The following JAM3 variants were observed in gnomAD, a reference collection of about 807,000 sequenced individuals.
The protein encoded by JAM3 is junctional adhesion molecule 3, also known as junctional adhesion molecule C.
Under a neutral mutation model 39.4 loss-of-function variants are expected in JAM3, and 31 were observed. The ratio of observed to expected loss-of-function variants is 0.79; its 90% CI spans 0.59 to 1.06. The LOEUF (loss-of-function observed/expected upper bound fraction) is 1.06. Ranked by LOEUF, JAM3 falls within the 50% of genes least tolerant of loss-of-function variation. The pLI is 0.00. For missense variants in JAM3, 455 were observed against 391.4 expected (o/e 1.16, Z -1.37); for synonymous variants, 182 against 148.7 (o/e 1.22, Z -1.63).
intron 1 of JAM3, among the ~76,000 whole-genome samples, chr11:134,080,543 G>A (rs1385113550): frequency 6.6e-6 from 1 of 152,112 alleles, no homozygotes; most frequent in Admixed American, 6.6e-5. Flanking sequence ...GTTTAAAAAG[G>A]GGAGTTTTCC....
intron 1 of JAM3, among the ~76,000 whole-genome samples, chr11:134,128,093 AAAAG>A (rs1392330070): frequency 4.6e-5 from 7 of 152,216 alleles, no homozygotes; most frequent in African/African-American, 1.7e-4. Context: ...AAAGAAAGAA[AAAAG>A]AAAGGTTTTC....
intron 1 of JAM3, among the ~76,000 whole-genome samples, chr11:134,117,151 C>T (rs1281270965): frequency 6.6e-6 from 1 of 151,956 alleles, no homozygotes; most frequent in Non-Finnish European, 1.5e-5. Flanking sequence ...CATCTGAGGT[C>T]AGGAGTTTGA....
chr11:134,136,173 C>G (rs1367641020), intron 1 of JAM3, among the ~76,000 whole-genome samples: 1 of 152,180 alleles, frequency 6.6e-6, no homozygotes, highest in African/African-American at 2.4e-5. Flanking sequence ...CAGCATTTGA[C>G]AAATTAGCAG....
At chr11:134,070,120 G>A (rs1206797614) in intron 1 of JAM3, 4 of 455,822 alleles carry the variant, frequency 8.8e-6, no homozygotes, top group South Asian at 4.6e-5. Flanking sequence ...CCATTATCTC[G>A]TTTACTCCTT....
chr11:134,149,066 C>G, intron 8 of JAM3, 80 bp from the exon 9 acceptor site: 2 of 1,507,312 alleles, frequency 1.3e-6, no homozygotes, highest in South Asian at 1.1e-5. Context: ...CTGTATTTAG[C>G]CCATGTTAGA....
intron 1 of JAM3, among the ~76,000 whole-genome samples, chr11:134,098,402 C>T (rs1311190065): frequency 6.6e-6 from 1 of 151,996 alleles, no homozygotes; most frequent in East Asian, 1.9e-4. Context: ...CCAAATGTAC[C>T]TCATTAGAAA....
chr11:134,078,463 C>G (rs2120583163), intron 1 of JAM3, among the ~76,000 whole-genome samples: 1 of 152,320 alleles, frequency 6.6e-6, no homozygotes, highest in East Asian at 1.9e-4. Flanking sequence ...TTTAACACTC[C>G]TACCCATCTT....
At position 134,144,953 on chromosome 11, in the gene JAM3, C is replaced by T. The variant is rs549604639; in HGVS notation, c.571C>T (p.Arg191Cys). 57 of 1,614,044 alleles carry T rather than the reference C, an allele frequency of 3.5e-5. No individual in the cohort carries two copies. The highest frequency in any genetic ancestry group is 4.0e-5 in the African/African-American group (3 of 74,910). The change falls in exon 5 of 9, where the codon CGC becomes TGC. Residue 191 changes from arginine (R) to cysteine (C), a missense_variant. Transcript: ENST00000299106. ...GGATTCCAGAGCCAATCCCAGATTT[C>T]GCAATTCTTCTTTCCACTTAAACTC... is the stretch of plus-strand genomic sequence containing the variant. Reference protein sequence around the residue: ...PTDSRANPRFRNSSFHLNSET... With the variant: ...PTDSRANPRFCNSSFHLNSET...
intron 1 of JAM3, among the ~76,000 whole-genome samples, chr11:134,082,583 C>A (rs750177808): frequency 6.6e-6 from 1 of 152,140 alleles, no homozygotes; most frequent in African/African-American, 2.4e-5. Context: ...TTTCCCTATA[C>A]AAGCTCTTCT....
At chr11:134,076,748 G>A (rs533481093) in intron 1 of JAM3, among the ~76,000 whole-genome samples, 1 of 151,072 alleles carries the variant, frequency 6.6e-6, no homozygotes, top group African/African-American at 2.4e-5. Context: ...TCACTATATT[G>A]CCCACACTGA....
rs548879667 is a variant in JAM3 at position 134,111,122 on chromosome 11, C to A, written c.77-28729C>A. Reference sequence around the variant, plus strand: ...CACTACATGCCTGTACCATACCCAACACACATCCATCTTTTTTTTTTTTTT... The same window carrying A: ...CACTACATGCCTGTACCATACCCAAAACACATCCATCTTTTTTTTTTTTTT... On this transcript the variant is annotated intron_variant, in intron 1 of 8. Coordinates refer to ENST00000299106, the MANE Select transcript of JAM3 (RefSeq NM_032801.5). Among the ~76,000 whole-genome samples, 14 of 146,156 alleles carry A rather than the reference C, an allele frequency of 9.6e-5. No individual in the cohort carries two copies. In the South Asian group the frequency reaches 2.2e-3, roughly 23 times the overall value.
chr11:134,104,337 C>T (rs1439504096), intron 1 of JAM3, among the ~76,000 whole-genome samples: 1 of 152,174 alleles, frequency 6.6e-6, no homozygotes, highest in East Asian at 1.9e-4. Flanking sequence ...ATACCAGAAT[C>T]TCTGGGACAC....
chr11:134,094,089 C>A (rs1444585329), intron 1 of JAM3, among the ~76,000 whole-genome samples: 8 of 75,918 alleles, frequency 1.1e-4, no homozygotes, highest in East Asian at 7.8e-4. Flanking sequence ...CCACCTTAAA[C>A]GTCACTTCCT....
intron 1 of JAM3, among the ~76,000 whole-genome samples, chr11:134,118,065 C>T (rs1942470305): frequency 6.6e-6 from 1 of 152,192 alleles, no homozygotes; most frequent in African/African-American, 2.4e-5. Flanking sequence ...TGGGCTCACA[C>T]AGAAAGTAGC....
chr11:134,074,455 C>G (rs1045376722), intron 1 of JAM3, among the ~76,000 whole-genome samples: 2 of 152,184 alleles, frequency 1.3e-5, no homozygotes, highest in African/African-American at 4.8e-5. Context: ...TTTCTAGCTT[C>G]TTAATATCAG....
At chr11:134,097,487 G>A (rs577019000) in intron 1 of JAM3, among the ~76,000 whole-genome samples, 11 of 152,300 alleles carry the variant, frequency 7.2e-5, no homozygotes, top group South Asian at 2.1e-4. Context: ...TGGAGCATTA[G>A]TGATGCAACT....
intron 3 of JAM3, among the ~76,000 whole-genome samples, chr11:134,142,907 C>G (rs764070220): frequency 6.6e-6 from 1 of 152,190 alleles, no homozygotes; most frequent in Non-Finnish European, 1.5e-5. Flanking sequence ...CAAGGTTCAT[C>G]TGTGTTGTAG....
intron 1 of JAM3, among the ~76,000 whole-genome samples, chr11:134,115,502 A>T (rs953880814): frequency 6.6e-6 from 1 of 152,066 alleles, no homozygotes; most frequent in African/African-American, 2.4e-5. Context: ...ATTAGCTATA[A>T]CTTATGACCT....
intron 1 of JAM3, among the ~76,000 whole-genome samples, chr11:134,077,105 G>A (rs886664996): frequency 4.0e-5 from 6 of 151,898 alleles, no homozygotes; most frequent in Non-Finnish European, 8.8e-5. Flanking sequence ...AAAGTGCTGG[G>A]ATTACATGCA....
Sources: allele counts gnomAD v4.1 joint callset (sites outside exome capture counted in the v4.1 genomes callset), GRCh38; gene constraint gnomAD v4.1.1; transcripts MANE v1.5; gene names NCBI Gene and HGNC (gene_info 2026-07-23, HGNC 2026-07-21).